The following L3MBTL4 variants were observed in gnomAD, a reference collection of about 807,000 sequenced individuals.
The protein encoded by L3MBTL4 is L3MBTL histone methyl-lysine binding protein 4, also known as lethal(3)malignant brain tumor-like protein 4.
In L3MBTL4, 70 loss-of-function variants were observed where a neutral mutation model predicts 84.5. The ratio of observed to expected loss-of-function variants is 0.83; its 90% CI spans 0.68 to 1.01. L3MBTL4 has a LOEUF of 1.01. L3MBTL4 is among the 50% of genes least tolerant of loss of function. The pLI is 0.00. For missense variants in L3MBTL4, 715 were observed against 754.8 expected (o/e 0.95, Z 0.62); for synonymous variants, 274 against 259.8 (o/e 1.05, Z -0.52).
intron 12 of L3MBTL4, among the ~76,000 whole-genome samples, chr18:6,182,621 A>C (rs1366856618): frequency 1.3e-5 from 2 of 152,202 alleles, no homozygotes; most frequent in African/African-American, 4.8e-5. Flanking sequence ...GCCAGGTTCT[A>C]TATACGGAAT....
intron 1 of L3MBTL4, among the ~76,000 whole-genome samples, chr18:6,380,156 T>C (rs1189817508): frequency 1.3e-5 from 2 of 152,204 alleles, no homozygotes; most frequent in East Asian, 3.8e-4. Context: ...GTGGGATCAG[T>C]GGTGATATTC....
chr18:6,134,626 G>A (rs1465621896), intron 14 of L3MBTL4, among the ~76,000 whole-genome samples: 2 of 152,140 alleles, frequency 1.3e-5, no homozygotes, highest in Non-Finnish European at 2.9e-5. Flanking sequence ...ATCCAGCAGG[G>A]CAGTCAAATT....
intron 14 of L3MBTL4, among the ~76,000 whole-genome samples, chr18:6,116,677 T>C (rs2059370467): frequency 6.6e-6 from 1 of 152,172 alleles, no homozygotes; most frequent in Non-Finnish European, 1.5e-5. Flanking sequence ...AAAGTTATCT[T>C]GAAGTAGAGA....
At chr18:6,084,446 A>G (rs1310518454) in intron 15 of L3MBTL4, among the ~76,000 whole-genome samples, 7 of 152,214 alleles carry the variant, frequency 4.6e-5, no homozygotes, top group Admixed American at 4.6e-4. Flanking sequence ...ATAAGTTCAA[A>G]AAACACACGG....
intron 18 of L3MBTL4, among the ~76,000 whole-genome samples, chr18:5,959,243 G>A (rs913618646): frequency 1.2e-4 from 19 of 152,210 alleles, no homozygotes; most frequent in African/African-American, 4.3e-4. Context: ...GCTCTCAGAT[G>A]GATATGAGCT....
intron 16 of L3MBTL4, among the ~76,000 whole-genome samples, chr18:6,033,013 C>T (rs145384247): frequency 2.0e-5 from 3 of 152,174 alleles, no homozygotes; most frequent in Non-Finnish European, 2.9e-5. Context: ...GGGTAGTGTC[C>T]TGTATGTATC....
chr18:6,275,170 A>T (rs905952626), intron 4 of L3MBTL4, among the ~76,000 whole-genome samples: 3 of 152,048 alleles, frequency 2.0e-5, no homozygotes, highest in African/African-American at 7.2e-5. Context: ...TGTGTGTAGC[A>T]TGGGGTTGGT....
intron 1 of L3MBTL4, among the ~76,000 whole-genome samples, chr18:6,353,992 A>G (rs1042963335): frequency 6.6e-6 from 1 of 152,208 alleles, no homozygotes; most frequent in Non-Finnish European, 1.5e-5. Context: ...CTAAACAAAA[A>G]GAACAAACCT....
At chr18:6,379,500 T>C (rs2054509862) in intron 1 of L3MBTL4, among the ~76,000 whole-genome samples, 1 of 152,210 alleles carries the variant, frequency 6.6e-6, no homozygotes, top group Non-Finnish European at 1.5e-5. Context: ...CATCGATACC[T>C]AGTTTATTGA....
chr18:6,282,570 G>A (rs987058092), intron 4 of L3MBTL4, among the ~76,000 whole-genome samples: 2 of 152,142 alleles, frequency 1.3e-5, no homozygotes, highest in African/African-American at 2.4e-5. Flanking sequence ...TGCAGGAGAC[G>A]AGGCTCGGGA....
At chr18:6,044,190 G>A (rs1213629856) in intron 16 of L3MBTL4, among the ~76,000 whole-genome samples, 1 of 152,176 alleles carries the variant, frequency 6.6e-6, no homozygotes. Flanking sequence ...TCGGAATTGT[G>A]TTTGGAATAT....
At chr18:6,087,855 G>A (rs1160046255) in intron 15 of L3MBTL4, among the ~76,000 whole-genome samples, 1 of 152,070 alleles carries the variant, frequency 6.6e-6, no homozygotes. Flanking sequence ...CAATATCAAT[G>A]TCTATATCTA....
At chr18:6,035,492 T>C (rs2056085722) in intron 16 of L3MBTL4, among the ~76,000 whole-genome samples, 4 of 151,888 alleles carry the variant, frequency 2.6e-5, no homozygotes, top group African/African-American at 9.7e-5. Context: ...GGCTCTGTTC[T>C]GTTCCATTGA....
At chr18:6,189,202 C>T (rs1396994807) in intron 12 of L3MBTL4, among the ~76,000 whole-genome samples, 2 of 152,166 alleles carry the variant, frequency 1.3e-5, no homozygotes, top group Non-Finnish European at 2.9e-5. Flanking sequence ...TCTTTTGTGC[C>T]TTTTCCTCTT....
chr18:6,138,682 G>T (rs904724884), intron 13 of L3MBTL4, among the ~76,000 whole-genome samples: 4 of 152,116 alleles, frequency 2.6e-5, no homozygotes, highest in African/African-American at 7.2e-5. Flanking sequence ...CTCCTGAGTA[G>T]CTGGAATTGC....
chr18:6,270,257 C>T lies in L3MBTL4; in HGVS notation c.128-6219G>A, dbSNP rs7231495. Among the ~76,000 whole-genome samples the T allele has an allele frequency of 8.3e-3, 1,267 of 152,306 alleles. 18 individuals carry two copies. The highest frequency in any genetic ancestry group is 0.029 in the African/African-American group (1,191 of 41,558). On this transcript the variant is annotated intron_variant, in intron 4 of 18. Coordinates refer to ENST00000317931, the MANE Select transcript of L3MBTL4 (RefSeq NM_001330559.2). ...TAGTCCCTCTGCCAGGTCACTGTGA[C>T]GGGACCCTTTCCATGCTCTCCCTAC...
At chr18:6,034,304 C>CA in intron 16 of L3MBTL4, among the ~76,000 whole-genome samples, 1 of 152,118 alleles carries the variant, frequency 6.6e-6, no homozygotes, top group Admixed American at 6.5e-5. Context: ...CCGCTCCCCC[C>CA]ACCCCACAAC....
chr18:6,183,932 G>A lies in L3MBTL4; in HGVS notation c.982-11990C>T, dbSNP rs73383929. The stretch of plus-strand genomic sequence containing the variant: ...TTAAAAAAATACACGTTAGTCTAAC[G>A]TTGCAAAATTTCCCCTAATAGAAAT... On this transcript the variant is annotated intron_variant, in intron 12 of 18. Transcript: ENST00000317931. Among the ~76,000 whole-genome samples, 358 of 151,906 alleles carry A rather than the reference G, an allele frequency of 2.4e-3. 1 individual carries two copies. The highest frequency in any genetic ancestry group is 8.3e-3 in the African/African-American group (344 of 41,290).
intron 14 of L3MBTL4, among the ~76,000 whole-genome samples, chr18:6,111,716 T>C (rs2059201396): frequency 6.6e-6 from 1 of 152,204 alleles, no homozygotes. Flanking sequence ...GACAAAATTA[T>C]ATAGATGTAT....
Sources: gnomAD v4.1 joint callset for allele counts (sites outside exome capture counted in the v4.1 genomes callset) on GRCh38, gnomAD v4.1.1 for gene constraint, MANE v1.5 for transcripts, NCBI Gene and HGNC (gene_info 2026-07-23, HGNC 2026-07-21) for gene names.